The following BRD8 variants were observed in gnomAD, a reference collection of about 807,000 sequenced individuals.
BRD8 encodes bromodomain containing 8, also known as bromodomain-containing protein 8.
In BRD8, 67 loss-of-function variants were observed where a neutral mutation model predicts 143.1. The ratio of observed to expected loss-of-function variants is 0.47; its 90% CI spans 0.38 to 0.57. The LOEUF (loss-of-function observed/expected upper bound fraction) is 0.57. Ranked by LOEUF, BRD8 falls within the 20% of genes least tolerant of loss-of-function variation. BRD8 has a pLI of 0.00. For missense variants in BRD8, 1,103 were observed against 1,503.0 expected, an observed-to-expected ratio of 0.73 and a Z score of 4.40; for synonymous variants, 505 against 517.1, an observed-to-expected ratio of 0.98 and a Z score of 0.32.
chr5:138,160,296 T>C, intron 18 of BRD8, 123 bp from the exon 19 acceptor site: 1 of 677,496 alleles, frequency 1.5e-6, no homozygotes, highest in Non-Finnish European at 2.6e-6. Context: ...ATATTTTGAC[T>C]GATTGGAAGT....
intron 14 of BRD8, 161 bp from the exon 15 acceptor site, chr5:138,163,505 C>T (rs1291213506): frequency 2.2e-6 from 3 of 1,383,526 alleles, no homozygotes; most frequent in Non-Finnish European, 2.9e-6. Context: ...TACTTACAGA[C>T]ACTGCGTTAA....
At chr5:138,161,117 G>A (rs773191573) in intron 17 of BRD8, 49 bp from the exon 18 acceptor site, 25 of 1,451,174 alleles carry the variant, frequency 1.7e-5, no homozygotes, top group East Asian at 4.7e-5. Flanking sequence ...GAAAGAGGAC[G>A]CACCTAGATC....
At chr5:138,172,250 C>T (rs531356295) in intron 2 of BRD8, 116 bp from the exon 3 acceptor site, 37 of 784,830 alleles carry the variant, frequency 4.7e-5, no homozygotes, top group Middle Eastern at 7.4e-4. Context: ...AATGGCCAGG[C>T]GCGGTGGCTC....
chr5:138,165,249 T>A, intron 11 of BRD8, 83 bp from the exon 12 acceptor site: 1 of 1,419,300 alleles, frequency 7.0e-7, no homozygotes, highest in Non-Finnish European at 9.5e-7. Context: ...ATGTGATGGC[T>A]TGAATCTGCA....
At chr5:138,162,227 T>TGAGACC in intron 15 of BRD8, 81 bp from the exon 16 acceptor site, 1 of 1,108,292 alleles carries the variant, frequency 9.0e-7, no homozygotes, top group Non-Finnish European at 1.3e-6. Flanking sequence ...TGAGACAGGG[T>TGAGACC]CTCACTCTGT....
Position 138,163,202 on chromosome 5 carries a change from C to G in BRD8, c.2015G>C (p.Ser672Thr). ...PPVSESDDGF[S>T]IHNATLQSHT... ...TGACTGCAGTGTAGCATTGTGTATG[C>G]TGAAGCCATCATCACTCTCGCTCAC... Residue 672 changes from serine to threonine, a missense_variant, in exon 15 of 27, where the codon AGC becomes ACC. Ser to Thr is a moderately conservative substitution (Grantham distance 58). This residue lies in a region of BRD8 where 75 missense variants were observed against 111.7 expected (regional missense o/e 0.67). Coordinates refer to ENST00000254900, the MANE Select transcript of BRD8 (RefSeq NM_139199.2). The G allele has an allele frequency of 6.2e-7, 1 of 1,614,070 alleles. No homozygotes were observed. Among genetic ancestry groups the G allele is most frequent in the Non-Finnish European group, 8.5e-7 (1 of 1,180,022 alleles).
chr5:138,172,195 A>C, intron 2 of BRD8, 61 bp from the exon 3 acceptor site: 1 of 1,353,134 alleles, frequency 7.4e-7, no homozygotes, highest in Non-Finnish European at 1.1e-6. Flanking sequence ...AGGTATGCTG[A>C]GAGTGCAAGG....
chr5:138,145,295 C>T (rs1218371860), intron 24 of BRD8, 50 bp from the exon 25 acceptor site: 2 of 1,561,300 alleles, frequency 1.3e-6, no homozygotes, highest in African/African-American at 1.4e-5. Context: ...GCAAGGCACT[C>T]TGAAGGAGAA....
intron 2 of BRD8, 80 bp from the exon 3 acceptor site, chr5:138,172,214 T>C: frequency 8.4e-7 from 1 of 1,194,354 alleles, no homozygotes; most frequent in Non-Finnish European, 1.2e-6. Flanking sequence ...GGCTTGGAGT[T>C]CAAACTTTGG....
At chr5:138,144,252 G>C (rs1276683561) in intron 25 of BRD8, among the ~76,000 whole-genome samples, 1 of 151,922 alleles carries the variant, frequency 6.6e-6, no homozygotes, top group Non-Finnish European at 1.5e-5. Flanking sequence ...TGTAACACTC[G>C]CTGTGAAGGT....
chr5:138,157,434 G>C (rs1418786075), intron 20 of BRD8, among the ~76,000 whole-genome samples: 1 of 152,150 alleles, frequency 6.6e-6, no homozygotes, highest in Non-Finnish European at 1.5e-5. Flanking sequence ...AGTGGCTAAA[G>C]AACACCTGGT....
At chr5:138,160,012 G>A in intron 19 of BRD8, 57 bp downstream of exon 19, 1 of 1,322,744 alleles carries the variant, frequency 7.6e-7, no homozygotes, top group Non-Finnish European at 1.1e-6. Flanking sequence ...GTCCTTGGAT[G>A]CTTCAGACTT....
rs538761125 is a variant in BRD8, at chr5:138,147,046, C to T, written c.3279-1168G>A. 5.3e-5 allele frequency among the ~76,000 whole-genome samples: 8 copies of T among 150,822 alleles called. No homozygotes were observed. The East Asian group carries it at 1.6e-3, about 29-fold the overall frequency. ...GTACAGTCACAGTATGTCATCTCTG[C>T]ACTCTATTGCTCATACTTAAGGAGT... On this transcript the variant is annotated intron_variant, in intron 23 of 26. Coordinates refer to ENST00000254900, the MANE Select transcript of BRD8 (RefSeq NM_139199.2).
intron 14 of BRD8, chr5:138,163,567 G>GAAA: frequency 7.5e-7 from 1 of 1,331,496 alleles, no homozygotes; most frequent in Non-Finnish European, 9.9e-7. Flanking sequence ...TAAAAAGAAA[G>GAAA]AAAAAAAAAA....
At chr5:138,159,686 C>T in intron 19 of BRD8, 87 bp from the exon 20 acceptor site, 4 of 1,333,480 alleles carry the variant, frequency 3.0e-6, no homozygotes, top group African/African-American at 1.4e-5. Context: ...GACACAAGCA[C>T]CACACACACA....
intron 17 of BRD8, among the ~76,000 whole-genome samples, 186 bp downstream of exon 17, chr5:138,161,610 G>A (rs1753006028): frequency 6.6e-6 from 1 of 152,184 alleles, no homozygotes; most frequent in South Asian, 2.1e-4. Flanking sequence ...GCTCCTGGTG[G>A]AGATTTATTC....
chr5:138,146,004 C>T (rs1581402730), intron 23 of BRD8, 126 bp from the exon 24 acceptor site: 2 of 637,646 alleles, frequency 3.1e-6, no homozygotes, highest in East Asian at 5.5e-5. Flanking sequence ...TTTATCTCCC[C>T]TTATCTGGCC....
At chr5:138,155,310 T>C (rs1752539192) in intron 20 of BRD8, among the ~76,000 whole-genome samples, 1 of 151,280 alleles carries the variant, frequency 6.6e-6, no homozygotes, top group Admixed American at 6.6e-5. Context: ...TTAGCCGGGC[T>C]TGGTGGTGCA....
At chr5:138,172,521 CA>C (rs10547758) in intron 2 of BRD8, among the ~76,000 whole-genome samples, 174 of 24,682 alleles carry the variant, frequency 7.0e-3, no homozygotes, top group South Asian at 0.01. Context: ...GACTCCATCT[CA>C]AAAAAAAAAA....
Sources: allele counts gnomAD v4.1 joint callset (sites outside exome capture counted in the v4.1 genomes callset), GRCh38; gene constraint gnomAD v4.1.1; regional missense constraint gnomAD v4.1.1; transcripts MANE v1.5; gene names NCBI Gene and HGNC (gene_info 2026-07-23, HGNC 2026-07-21).